CPAMD8: variants seen among roughly 807,000 people sequenced by gnomAD.
The protein encoded by CPAMD8 is C3 and PZP like alpha-2-macroglobulin domain containing 8, also known as C3 and PZP-like alpha-2-macroglobulin domain-containing protein 8.
Under a neutral mutation model 224.7 loss-of-function variants are expected in CPAMD8, and 146 were observed. The observed-to-expected ratio is 0.65, with a 90% CI of 0.57 to 0.75. The LOEUF is 0.75. Ranked by LOEUF, CPAMD8 falls within the 30% of genes least tolerant of loss-of-function variation. The probability of loss-of-function intolerance (pLI) is 0.00; values close to 1 mark genes in which losing one functional copy is unlikely to be tolerated. For synonymous variants in CPAMD8, 966 were observed against 1,044.6 expected, an observed-to-expected ratio of 0.92 and a Z score of 1.45; for missense variants, 2,301 against 2,537.5, an observed-to-expected ratio of 0.91 and a Z score of 2.00.
rs142434347 is a variant in CPAMD8 at position 16,999,922 on chromosome 19, C to A, written c.867+492G>T. Among the ~76,000 whole-genome samples the A allele has an allele frequency of 7.0e-3, 1,065 of 152,218 alleles. 12 individuals are homozygous for A. The highest frequency in any genetic ancestry group is 0.023 in the African/African-American group (969 of 41,552). On this transcript the variant is annotated intron_variant, in intron 10 of 41. Transcript: ENST00000443236. ...CGAATTCATGGCCTCAAGTGATCCG[C>A]CCGCCTTGGCCTCCCAAAGTGCTGG...
At chr19:16,979,009 CATCT>C (rs1190249265) in intron 14 of CPAMD8, among the ~76,000 whole-genome samples, 1 of 151,752 alleles carries the variant, frequency 6.6e-6, no homozygotes, top group Non-Finnish European at 1.5e-5. Context: ...TTCATCCATC[CATCT>C]GTTCATCCAT....
intron 16 of CPAMD8, 94 bp from the exon 17 acceptor site, chr19:16,975,352 CT>C: frequency 1.0e-6 from 1 of 966,514 alleles, no homozygotes. Context: ...ATCCCAACCT[CT>C]TTATCACGTC....
chr19:17,011,263 A>C (rs2056640224), intron 5 of CPAMD8, among the ~76,000 whole-genome samples: 1 of 151,924 alleles, frequency 6.6e-6, no homozygotes, highest in Admixed American at 6.6e-5. Context: ...TTCCTTGTTG[A>C]GGGGCAGTGG....
chr19:16,970,978 C>CT lies in CPAMD8; in HGVS notation c.2125_2126insA (p.Gly709GlufsTer7), dbSNP rs2055042287. The CT allele has an allele frequency of 3.7e-6, 6 of 1,613,510 alleles. No homozygotes were observed. In the South Asian group the frequency reaches 5.5e-5, roughly 15 times the overall value. The stretch of plus-strand genomic sequence containing the variant: ...GACAGCCTCATCGGTGTAGAGGCCA[C>CT]CGTCCTGCCGGTGGTTCAGGCTCAC... On this transcript the variant is annotated frameshift_variant, in exon 18 of 42. Transcript: ENST00000443236. LOFTEE classifies it high-confidence loss of function.
chr19:17,025,737 A>C (rs971957380), intron 1 of CPAMD8, among the ~76,000 whole-genome samples: 3 of 152,180 alleles, frequency 2.0e-5, no homozygotes, highest in African/African-American at 7.2e-5. Context: ...ATTAGGATGA[A>C]AATTTGTAGG....
chr19:16,961,231 C>A (rs2054643327), intron 18 of CPAMD8, among the ~76,000 whole-genome samples: 1 of 152,226 alleles, frequency 6.6e-6, no homozygotes, highest in African/African-American at 2.4e-5. Context: ...CCGGGAAGCA[C>A]AAGGGGTCAG....
chr19:16,986,506 A>T (rs1421338168), intron 13 of CPAMD8, among the ~76,000 whole-genome samples: 1 of 152,156 alleles, frequency 6.6e-6, no homozygotes, highest in Admixed American at 6.6e-5. Context: ...TGGAATTACA[A>T]GAAGAACAGT....
intron 5 of CPAMD8, among the ~76,000 whole-genome samples, chr19:17,011,115 A>C (rs928336457): frequency 2.6e-5 from 4 of 152,076 alleles, no homozygotes; most frequent in African/African-American, 9.7e-5. Flanking sequence ...AATCACTTAG[A>C]ACCCAGGAAG....
At chr19:16,910,122 G>C (rs1198415912) in intron 29 of CPAMD8, among the ~76,000 whole-genome samples, 1 of 152,046 alleles carries the variant, frequency 6.6e-6, no homozygotes, top group African/African-American at 2.4e-5. Context: ...AAAGTGCTGA[G>C]ATTATAGGCA....
At chr19:16,991,827 C>T (rs946396312) in intron 12 of CPAMD8, among the ~76,000 whole-genome samples, 3 of 150,172 alleles carry the variant, frequency 2.0e-5, no homozygotes, top group African/African-American at 7.4e-5. Flanking sequence ...TGCACTCCAG[C>T]TTGGGCGACA....
At chr19:16,996,989 T>A in intron 11 of CPAMD8, 122 bp downstream of exon 11, 1 of 677,308 alleles carries the variant, frequency 1.5e-6, no homozygotes. Flanking sequence ...CTCTCCACTC[T>A]CCGCAAAGGT....
chr19:16,953,652 CAA>C (rs60937762), intron 19 of CPAMD8, among the ~76,000 whole-genome samples: 1,545 of 94,334 alleles, frequency 0.016, 17 homozygotes, highest in East Asian at 0.074. Flanking sequence ...GACCTTGTCT[CAA>C]AAAAAAAAAA....
At chr19:16,909,498 C>T (rs1340084615) in intron 29 of CPAMD8, among the ~76,000 whole-genome samples, 1 of 152,006 alleles carries the variant, frequency 6.6e-6, no homozygotes, top group Non-Finnish European at 1.5e-5. Context: ...GAGCCGAGAT[C>T]GCGCCACTGT....
chr19:16,950,366 A>T (rs1291928406), intron 20 of CPAMD8, among the ~76,000 whole-genome samples: 1 of 152,182 alleles, frequency 6.6e-6, no homozygotes, highest in Non-Finnish European at 1.5e-5. Flanking sequence ...CTGCAGAAGT[A>T]CATGCCCCAC....
chr19:17,023,986 C>A (rs1009986599), intron 1 of CPAMD8, among the ~76,000 whole-genome samples: 1 of 152,092 alleles, frequency 6.6e-6, no homozygotes, highest in Non-Finnish European at 1.5e-5. Flanking sequence ...AGTAACAGAT[C>A]TAAATTGAAG....
chr19:16,949,836 C>T (rs570386713), intron 20 of CPAMD8, among the ~76,000 whole-genome samples: 1 of 152,210 alleles, frequency 6.6e-6, no homozygotes, highest in Non-Finnish European at 1.5e-5. Flanking sequence ...AGGGGGACTT[C>T]CCCTTTTCTG....
At chr19:16,922,040 G>A (rs1015792271) in intron 26 of CPAMD8, 54 bp from the exon 27 acceptor site, 21 of 1,261,824 alleles carry the variant, frequency 1.7e-5, no homozygotes, top group African/African-American at 1.2e-4. Flanking sequence ...GCCCAGGCCC[G>A]CCCCCAGGGA....
intron 11 of CPAMD8, among the ~76,000 whole-genome samples, chr19:16,994,807 ATTTCTT>A (rs2056074912): frequency 6.6e-6 from 1 of 151,558 alleles, no homozygotes; most frequent in Admixed American, 6.6e-5. Context: ...CGTCTGGCCT[ATTTCTT>A]TTTATTTTTT....
At chr19:16,999,675 G>A (rs556071173) in intron 10 of CPAMD8, among the ~76,000 whole-genome samples, 1 of 152,036 alleles carries the variant, frequency 6.6e-6, no homozygotes, top group Non-Finnish European at 1.5e-5. Flanking sequence ...CAATAAAATT[G>A]TTTATGTTTT....
Sources: allele counts gnomAD v4.1 joint callset (sites outside exome capture counted in the v4.1 genomes callset), GRCh38; gene constraint gnomAD v4.1.1; transcripts MANE v1.5; gene names NCBI Gene and HGNC (gene_info 2026-07-23, HGNC 2026-07-21).